Variants in ABCG1 observed in about 807,000 individuals in gnomAD.
The protein encoded by ABCG1 is ATP-binding cassette sub-family G member 1.
Under a neutral mutation model 69.2 loss-of-function variants are expected in ABCG1, and 29 were observed. The observed-to-expected ratio is 0.42, with a 90% confidence interval of 0.31 to 0.57. The LOEUF is 0.57. ABCG1 is among the 20% of genes least tolerant of loss of function. ABCG1 has a pLI of 0.15. For missense variants in ABCG1, 718 were observed against 898.1 expected, an observed-to-expected ratio of 0.80 and a Z score of 2.56; for synonymous variants, 370 against 374.8, an observed-to-expected ratio of 0.99 and a Z score of 0.15.
At chr21:42,243,775 A>G (rs1030631192) in intron 2 of ABCG1, among the ~76,000 whole-genome samples, 2 of 147,930 alleles carry the variant, frequency 1.4e-5, no homozygotes, top group African/African-American at 5.0e-5. Flanking sequence ...CTAAACTAGT[A>G]ATTTTCTTTC....
At chr21:42,292,878 C>A (rs1221939776) in intron 13 of ABCG1, among the ~76,000 whole-genome samples, 1 of 144,746 alleles carries the variant, frequency 6.9e-6, no homozygotes, top group Non-Finnish European at 1.5e-5. Flanking sequence ...ACACTACCCA[C>A]CACACACTAC....
intron 2 of ABCG1, among the ~76,000 whole-genome samples, chr21:42,209,021 C>A (rs112691645): frequency 1.3e-5 from 2 of 152,136 alleles, no homozygotes; most frequent in African/African-American, 4.8e-5. Context: ...TGTCTCGGAG[C>A]CTGGAAAGGG....
At position 42,287,904 on chromosome 21, in the gene ABCG1, C is replaced by T; in HGVS notation, c.989C>T (p.Ser330Phe). 6.3e-7 allele frequency: 1 copy of T among 1,590,638 alleles called. No homozygotes were observed. Among genetic ancestry groups the T allele is most frequent in the Non-Finnish European group, 8.6e-7 (1 of 1,165,682 alleles). Residue 330 changes from serine to phenylalanine, a missense_variant, in exon 9 of 15, where the codon TCC becomes TTC. Physicochemically the swap from Ser to Phe is radical, Grantham distance 155. Around this residue, in one of 2 missense-constraint regions of ABCG1, gnomAD observed 514 missense variants for 574.3 expected, o/e 0.90. Coordinates refer to ENST00000398449, the MANE Select transcript of ABCG1 (RefSeq NM_016818.3). This position sits in a 1 kb window ranked among gnomAD's most constrained non-coding sequence, Gnocchi z 6.2. ...NPADFVMEVA[S>F]GEYGDQNSRL... The stretch of plus-strand genomic sequence containing the variant: ...TCTCCTGCAGTCATGGAGGTTGCAT[C>T]CGGCGAGTACGGTGATCAGAACAGT...
rs554161095 is a variant in ABCG1 at position 42,249,755 on chromosome 21, C to T, written c.287-21315C>T. Among the ~76,000 whole-genome samples, 13 of 152,188 alleles carry T rather than the reference C, an allele frequency of 8.5e-5. No homozygotes were observed. The East Asian group carries it at 1.5e-3, about 18-fold the overall frequency. On this transcript the variant is annotated intron_variant, in intron 2 of 14. Transcript: ENST00000398449. ...GCGCAGTGGCTCACACCTGTAATCCCGGCACTTTGGGAGGCTGAGGCAGGC... is the reference window on the plus strand; with the variant it reads ...GCGCAGTGGCTCACACCTGTAATCCTGGCACTTTGGGAGGCTGAGGCAGGC...
intron 1 of ABCG1, among the ~76,000 whole-genome samples, chr21:42,224,787 C>T (rs781008794): frequency 2.6e-5 from 4 of 152,118 alleles, no homozygotes; most frequent in Non-Finnish European, 5.9e-5. Flanking sequence ...CTCACGGTTG[C>T]CAGGCCATTG....
chr21:42,291,018 T>G lies in ABCG1; in HGVS notation c.1394-74T>G. 2 of 1,106,510 alleles carry G rather than the reference T, an allele frequency of 1.8e-6. No homozygotes were observed. The highest frequency in any genetic ancestry group is 2.7e-6 in the Non-Finnish European group (2 of 731,414). The allele number at this position is 1,106,510 out of a possible 1,614,324, so 68.5% of individuals were successfully genotyped here. A position where few individuals can be genotyped will look rare whatever the true frequency, so the allele number is the denominator to read the frequency against. On this transcript the variant is annotated intron_variant, in intron 11 of 14. Transcript: ENST00000398449. The surrounding 1 kb of genome is among the most constrained non-coding windows in gnomAD (Gnocchi z 6.4). The stretch of plus-strand genomic sequence containing the variant: ...GGGTTACCAGCCGCTCAGCTCAAGA[T>G]CGCCTGTTGGGATGTTAAACGGGCT...
rs537600414 is a variant in ABCG1 at position 42,288,407 on chromosome 21, G to A, written c.1224+95G>A. 12 of 927,312 alleles carry A rather than the reference G, an allele frequency of 1.3e-5. No homozygotes were observed. Among genetic ancestry groups the A allele is most frequent in the Admixed American group, 1.1e-4 (5 of 45,518 alleles). 57.4% of individuals were successfully genotyped at this position (927,312 alleles called of 1,614,324 possible). A position where few individuals can be genotyped will look rare whatever the true frequency, so the allele number is the denominator to read the frequency against. On this transcript the variant is annotated intron_variant, in intron 10 of 14. Coordinates refer to ENST00000398449, the MANE Select transcript of ABCG1 (RefSeq NM_016818.3). This position sits in a 1 kb window ranked among gnomAD's most constrained non-coding sequence, Gnocchi z 4.8. ...GAATGTGTTCGTTCATTCTCACATT[G>A]CTATAAAGAAATTCATGAGGCCAGG...
chr21:42,222,318 G>A (rs1388004026), intron 1 of ABCG1, among the ~76,000 whole-genome samples: 1 of 152,232 alleles, frequency 6.6e-6, no homozygotes, highest in Non-Finnish European at 1.5e-5. Context: ...CTCGCATCAC[G>A]CAGTTTTCAC....
At chr21:42,237,174 G>T (rs1202627100) in intron 2 of ABCG1, among the ~76,000 whole-genome samples, 2 of 152,202 alleles carry the variant, frequency 1.3e-5, no homozygotes, top group Non-Finnish European at 2.9e-5. Flanking sequence ...TCTTCCCAGG[G>T]GCGTTCTGTG....
chr21:42,244,859 A>T (rs1238767223), intron 2 of ABCG1, among the ~76,000 whole-genome samples: 2 of 152,226 alleles, frequency 1.3e-5, no homozygotes, highest in African/African-American at 4.8e-5. Flanking sequence ...AGGCAGGTGA[A>T]ATCCCCACCT....
chr21:42,213,503 A>G (rs1037661023), upstream of ABCG1, among the ~76,000 whole-genome samples: 1 of 152,244 alleles, frequency 6.6e-6, no homozygotes, highest in African/African-American at 2.4e-5. Flanking sequence ...CACCAGGACA[A>G]TGCCCAGTGG....
At chr21:42,258,899 CT>C (rs933565057) in intron 2 of ABCG1, among the ~76,000 whole-genome samples, 10 of 152,204 alleles carry the variant, frequency 6.6e-5, no homozygotes, top group African/African-American at 2.2e-4. Context: ...CCAGAACTTT[CT>C]TTATCAGCTG....
chr21:42,259,238 G>A (rs1043127591), intron 2 of ABCG1: 2 of 1,455,208 alleles, frequency 1.4e-6, no homozygotes, highest in African/African-American at 2.9e-5. Flanking sequence ...AAGTTCTGGA[G>A]CAGAGTCAGC....
At chr21:42,271,991 T>C (rs1158866396) in intron 3 of ABCG1, among the ~76,000 whole-genome samples, 1 of 152,208 alleles carries the variant, frequency 6.6e-6, no homozygotes, top group Non-Finnish European at 1.5e-5. Context: ...TTAGAATCTT[T>C]AGAAGTGTTT....
chr21:42,278,585 C>T (rs2123758867), intron 5 of ABCG1, among the ~76,000 whole-genome samples: 1 of 152,322 alleles, frequency 6.6e-6, no homozygotes, highest in East Asian at 1.9e-4. Flanking sequence ...GCGGCATCTG[C>T]CAGCCCAGGA....
At chr21:42,218,377 GC>G (rs745799648), upstream of ABCG1, among the ~76,000 whole-genome samples, 3 of 152,130 alleles carry the variant, frequency 2.0e-5, no homozygotes, top group Non-Finnish European at 4.4e-5. Flanking sequence ...TGATATTCCA[GC>G]CTGGGGCCAC....
At chr21:42,246,902 C>T (rs2068141630) in intron 2 of ABCG1, among the ~76,000 whole-genome samples, 1 of 152,060 alleles carries the variant, frequency 6.6e-6, no homozygotes, top group African/African-American at 2.4e-5. Context: ...GGCAACCAGA[C>T]TGGGATAAGT....
intron 13 of ABCG1, among the ~76,000 whole-genome samples, chr21:42,293,392 C>G (rs2069127312): frequency 6.8e-6 from 1 of 146,292 alleles, no homozygotes; most frequent in Admixed American, 6.8e-5. Context: ...ACACACCACA[C>G]ATACTACACA....
chr21:42,281,549 C>A (rs1307252706), intron 5 of ABCG1, among the ~76,000 whole-genome samples: 1 of 152,232 alleles, frequency 6.6e-6, no homozygotes, highest in African/African-American at 2.4e-5. Flanking sequence ...AGAGCCTGTG[C>A]CGTGGTGTGG....
Sources: gnomAD v4.1 joint callset for allele counts (sites outside exome capture counted in the v4.1 genomes callset) on GRCh38, gnomAD v4.1.1 for gene constraint, gnomAD v4.1.1 regional missense constraint, Gnocchi (gnomAD v3.1) non-coding constraint, MANE v1.5 for transcripts, NCBI Gene and HGNC (gene_info 2026-07-23, HGNC 2026-07-21) for gene names.